MAPK10: variants seen among roughly 807,000 people sequenced by gnomAD.
MAPK10 encodes the protein mitogen-activated protein kinase 10.
Under a neutral mutation model 59.3 loss-of-function variants are expected in MAPK10, and 25 were observed. The ratio of observed to expected loss-of-function variants is 0.42; its 90% CI spans 0.31 to 0.59. The LOEUF is 0.59. Among genes scored for constraint, MAPK10 ranks in the 20% least tolerant of loss-of-function variants. The pLI is 0.15. For missense variants in MAPK10, 351 were observed against 568.9 expected, an observed-to-expected ratio of 0.62 and a Z score of 3.90; for synonymous variants, 190 against 200.5, an observed-to-expected ratio of 0.95 and a Z score of 0.44.
intron 2 of MAPK10, among the ~76,000 whole-genome samples, chr4:86,207,913 G>A (rs1336011285): frequency 1.3e-5 from 2 of 152,088 alleles, no homozygotes; most frequent in African/African-American, 4.8e-5. Context: ...CTGAGACTTT[G>A]CTGAAGTTGC....
At chr4:86,378,692 A>G (rs951860210) in intron 1 of MAPK10, among the ~76,000 whole-genome samples, 1 of 152,182 alleles carries the variant, frequency 6.6e-6, no homozygotes, top group Non-Finnish European at 1.5e-5. Flanking sequence ...TGAAAATTCC[A>G]CAAAGCGAAG....
intron 3 of MAPK10, 72 bp downstream of exon 3, chr4:86,194,264 T>G (rs889902494): frequency 2.6e-6 from 3 of 1,152,200 alleles, no homozygotes; most frequent in Non-Finnish European, 3.9e-6. Flanking sequence ...GTGGAATGTA[T>G]GCAAATGGTA....
chr4:86,373,972 A>G (rs930877077), intron 1 of MAPK10, among the ~76,000 whole-genome samples: 1 of 152,204 alleles, frequency 6.6e-6, no homozygotes, highest in South Asian at 2.1e-4. Context: ...TTATTGCAGC[A>G]CTGTTCACAA....
intron 9 of MAPK10, among the ~76,000 whole-genome samples, chr4:86,068,398 T>C (rs2047134908): frequency 6.6e-6 from 1 of 152,148 alleles, no homozygotes; most frequent in South Asian, 2.1e-4. Flanking sequence ...TTTTAGATTA[T>C]ATTCATTTAC....
chr4:86,439,345 T>C (rs1273789659), intron 1 of MAPK10, among the ~76,000 whole-genome samples: 1 of 152,206 alleles, frequency 6.6e-6, no homozygotes, highest in African/African-American at 2.4e-5. Flanking sequence ...TTCTAAAATA[T>C]AAATTAAATC....
At chr4:86,178,797 T>C (rs2076250432) in intron 3 of MAPK10, among the ~76,000 whole-genome samples, 1 of 152,254 alleles carries the variant, frequency 6.6e-6, no homozygotes, top group East Asian at 1.9e-4. Flanking sequence ...AAGACTCTAC[T>C]AAAAAACCCT....
intron 7 of MAPK10, chr4:86,101,475 T>A (rs2055379936): frequency 2.4e-6 from 1 of 423,322 alleles, no homozygotes; most frequent in African/African-American, 2.0e-5. Context: ...GAAAAAAAAA[T>A]ATTTATTGTC....
chr4:86,339,484 T>G (rs1723596755), intron 2 of MAPK10, among the ~76,000 whole-genome samples: 1 of 152,196 alleles, frequency 6.6e-6, no homozygotes, highest in Admixed American at 6.5e-5. Context: ...ATTAATAGAT[T>G]CAGGGTTTGA....
chr4:86,010,650 A>G lies in MAPK10; in HGVS notation c.*6578T>C, dbSNP rs914955031. On this transcript the variant is annotated 3_prime_UTR_variant, in exon 14 of 14. Transcript: ENST00000641462. ...ATTGCTTTCTGAAAACCTTCCTTTT[A>G]TAAAAGAAATACTTTAATATTATGA... is the stretch of plus-strand genomic sequence containing the variant. The G allele has an allele frequency of 1.3e-5, 2 of 152,222 alleles. No homozygotes were observed. Among genetic ancestry groups the G allele is most frequent in the African/African-American group, 2.4e-5 (1 of 41,468 alleles). The allele number at this position is 152,222 out of a possible 1,614,324, so 9.4% of individuals were successfully genotyped here.
intron 9 of MAPK10, chr4:86,089,337 G>A: frequency 8.8e-7 from 1 of 1,136,330 alleles, no homozygotes; most frequent in Non-Finnish European, 1.3e-6. Context: ...ACAAATAAAT[G>A]AAAACACTGG....
At chr4:86,522,282 G>C (rs904578605) in intron 1 of MAPK10, among the ~76,000 whole-genome samples, 2 of 152,152 alleles carry the variant, frequency 1.3e-5, no homozygotes, top group South Asian at 2.1e-4. Flanking sequence ...TGATGGGTTT[G>C]TACTTCCCAG....
At chr4:86,428,224 G>A (rs1747562711) in intron 1 of MAPK10, among the ~76,000 whole-genome samples, 1 of 151,808 alleles carries the variant, frequency 6.6e-6, no homozygotes, top group South Asian at 2.1e-4. Context: ...GCTCACTGCA[G>A]CCTCAACCTC....
At chr4:86,224,903 G>T (rs563317969) in intron 2 of MAPK10, among the ~76,000 whole-genome samples, 1 of 152,044 alleles carries the variant, frequency 6.6e-6, no homozygotes, top group Non-Finnish European at 1.5e-5. Context: ...ATTCTCTATT[G>T]CAATGAAAAT....
At chr4:86,023,840 TATATATATATAA>T (rs1453953978) in intron 13 of MAPK10, 1,564 of 137,608 alleles carry the variant, frequency 0.011, 42 homozygotes, top group African/African-American at 0.042. Context: ...TATATATATA[TATATATATATAA>T]AATGAATGTT....
At chr4:86,065,537 A>T (rs893100533) in intron 10 of MAPK10, 5 of 152,260 alleles carry the variant, frequency 3.3e-5, no homozygotes, top group African/African-American at 9.6e-5. Context: ...AAATATGTAA[A>T]TTTTTTAAAT....
At chr4:86,362,685 T>A (rs73838707), upstream of MAPK10, among the ~76,000 whole-genome samples, 1 of 151,924 alleles carries the variant, frequency 6.6e-6, no homozygotes, top group African/African-American at 2.4e-5. Flanking sequence ...AATAAGCATA[T>A]GAAAAAGTAT....
At chr4:86,140,516 C>T (rs535141056) in intron 4 of MAPK10, among the ~76,000 whole-genome samples, 16 of 122,982 alleles carry the variant, frequency 1.3e-4, no homozygotes, top group Non-Finnish European at 2.2e-4. Context: ...GGGAACATCA[C>T]ACTCTGGGGA....
intron 2 of MAPK10, among the ~76,000 whole-genome samples, chr4:86,297,703 C>T (rs770375250): frequency 5.3e-5 from 8 of 151,842 alleles, no homozygotes; most frequent in Non-Finnish European, 1.0e-4. Context: ...GCTCTGTATA[C>T]AGTATTCAAT....
intron 1 of MAPK10, among the ~76,000 whole-genome samples, chr4:86,440,055 C>T (rs1258866845): frequency 2.6e-5 from 4 of 151,994 alleles, no homozygotes; most frequent in Non-Finnish European, 5.9e-5. Context: ...AATAGTTTTG[C>T]AAAAATAAAT....
Sources: gnomAD v4.1 joint callset for allele counts (sites outside exome capture counted in the v4.1 genomes callset) on GRCh38, gnomAD v4.1.1 for gene constraint, MANE v1.5 for transcripts, NCBI Gene and HGNC (gene_info 2026-07-23, HGNC 2026-07-21) for gene names.